The following DIAPH1 variants were observed in gnomAD, a reference collection of about 807,000 sequenced individuals.
DIAPH1 encodes the protein diaphanous related formin 1.
DIAPH1 carries 46 observed loss-of-function variants against 140.7 expected under a neutral mutation model. The ratio of observed to expected loss-of-function variants is 0.33; its 90% CI spans 0.26 to 0.42. The LOEUF is 0.42. Ranked by LOEUF, DIAPH1 falls within the 10% of genes least tolerant of loss-of-function variation. DIAPH1 has a pLI of 1.00. For missense variants in DIAPH1, 1,310 were observed against 1,558.7 expected (o/e 0.84, Z 2.69); for synonymous variants, 565 against 551.6 (o/e 1.02, Z -0.34).
chr5:141,516,897 G>A lies in DIAPH1; in HGVS notation c.3773C>T (p.Pro1258Leu), dbSNP rs374910187. The A allele has an allele frequency of 1.9e-6, 3 of 1,614,136 alleles. No homozygotes were observed. In the African/African-American group the frequency reaches 4.0e-5, roughly 22 times the overall value. The change falls in exon 28 of 28, where the codon CCC becomes CTC. Residue 1258 changes from proline to leucine, a missense_variant. By Grantham distance (98) the Pro-to-Leu change is moderately conservative. This residue lies in a region of DIAPH1 where 344 missense variants were observed against 512.2 expected (regional missense o/e 0.67). Coordinates refer to ENST00000389054, the MANE Select transcript of DIAPH1 (RefSeq NM_005219.5). ...AKVSKNSETF[P>L]TILEEAKELV... Reference sequence around the variant, plus strand: ...CTCCTTGGCTTCCTCAAGGATTGTGGGGAATGTCTCACTGTTCTTGGACAC... The same window carrying A: ...CTCCTTGGCTTCCTCAAGGATTGTGAGGAATGTCTCACTGTTCTTGGACAC...
intron 1 of DIAPH1, among the ~76,000 whole-genome samples, chr5:141,591,563 T>C (rs1189182381): frequency 6.7e-6 from 1 of 150,284 alleles, no homozygotes; most frequent in Non-Finnish European, 1.5e-5. Flanking sequence ...AGGGGATGAG[T>C]TGGATACAGA....
At chr5:141,540,285 T>C (rs1361148254) in intron 18 of DIAPH1, among the ~76,000 whole-genome samples, 1 of 150,114 alleles carries the variant, frequency 6.7e-6, no homozygotes, top group Non-Finnish European at 1.5e-5. Flanking sequence ...CATGCCTGGC[T>C]AATTTTTTTT....
rs2099888710 is a variant in DIAPH1, at chr5:141,534,374, CTT to C, written c.2540_2541del (p.Lys847ArgfsTer28). 1 of 1,613,896 alleles carries C rather than the reference CTT, an allele frequency of 6.2e-7. No individual in the cohort carries two copies. Among genetic ancestry groups the C allele is most frequent in the Non-Finnish European group, 8.5e-7 (1 of 1,179,998 alleles). ...GTCTTTGAATCCAACACCTTTAACT[CTT>C]TTACTTTTTTCTTTTGCACAGATTT... ...EKKSVQKKKVKELKVLDSKTA... is the reference protein window; with the variant it reads ...EKKSVQKKKVXELKVLDSKTA... On this transcript the variant is annotated frameshift_variant, in exon 19 of 28. Transcript: ENST00000389054. LOFTEE classifies it high-confidence loss of function.
At chr5:141,618,728 A>G in intron 1 of DIAPH1, 70 bp downstream of exon 1, 1 of 1,158,416 alleles carries the variant, frequency 8.6e-7, no homozygotes, top group South Asian at 1.4e-5. Context: ...CAGGCGCCCC[A>G]GGGGCCGGCT....
chr5:141,610,851 G>A (rs566308295), intron 1 of DIAPH1, among the ~76,000 whole-genome samples: 12 of 151,292 alleles, frequency 7.9e-5, no homozygotes, highest in African/African-American at 2.9e-4. Flanking sequence ...AAGGTAGGAG[G>A]ATCACTTGAG....
At chr5:141,609,847 C>G (rs1402701859) in intron 1 of DIAPH1, among the ~76,000 whole-genome samples, 1 of 152,108 alleles carries the variant, frequency 6.6e-6, no homozygotes, top group African/African-American at 2.4e-5. Context: ...AATGCTTCCA[C>G]GATAAATGGA....
chr5:141,522,320 G>A (rs1035975455), intron 27 of DIAPH1, among the ~76,000 whole-genome samples: 5 of 152,178 alleles, frequency 3.3e-5, no homozygotes, highest in Admixed American at 2.0e-4. Context: ...CCTCTTGCAT[G>A]GGAGAGAGTA....
chr5:141,578,162 G>C (rs1407423963), intron 11 of DIAPH1, 63 bp downstream of exon 11: 1 of 1,194,744 alleles, frequency 8.4e-7, no homozygotes, highest in Non-Finnish European at 1.3e-6. Context: ...TTCCACACAG[G>C]GATCAGGGAA....
In DIAPH1 at chr5:141,517,135, A is replaced by T. The variant is rs2099885807; in HGVS notation, c.3662-127T>A. The T allele has an allele frequency of 2.1e-5, 22 of 1,027,094 alleles. No homozygotes were observed. The South Asian group carries it at 3.0e-4, about 14-fold the overall frequency. 63.6% of individuals were successfully genotyped at this position (1,027,094 alleles called of 1,614,324 possible). A position where few individuals can be genotyped will look rare whatever the true frequency, so the allele number is the denominator to read the frequency against. On this transcript the variant is annotated intron_variant, in intron 27 of 27. Transcript: ENST00000389054. ...CCTTGGCCACTTCACAGAGGCCCTT[A>T]CTTTGAAGAAAGGGGCAGAGATCCA...
chr5:141,582,476 G>A lies in DIAPH1; in HGVS notation c.621-101C>T, dbSNP rs185324936. ...TTCTTAGGAACAACAGCCCCATCTAGCAGATGAGTAAATTTTAGGAAATAG... is the reference window on the plus strand; with the variant it reads ...TTCTTAGGAACAACAGCCCCATCTAACAGATGAGTAAATTTTAGGAAATAG... On this transcript the variant is annotated intron_variant, in intron 6 of 27. Transcript: ENST00000389054. The A allele has an allele frequency of 8.7e-5, 74 of 847,996 alleles. No individual in the cohort carries two copies. In the African/African-American group the frequency reaches 9.5e-4, roughly 11 times the overall value. 52.5% of individuals were successfully genotyped at this position (847,996 alleles called of 1,614,324 possible). A position where few individuals can be genotyped will look rare whatever the true frequency, so the allele number is the denominator to read the frequency against.
intron 18 of DIAPH1, among the ~76,000 whole-genome samples, chr5:141,550,130 G>A (rs1326728272): frequency 4.6e-5 from 7 of 151,870 alleles, no homozygotes; most frequent in Non-Finnish European, 1.0e-4. Context: ...GATAAAGAGG[G>A]ACTTTCTATA....
chr5:141,561,122 G>C lies in DIAPH1; in HGVS notation c.2482+10306C>G, dbSNP rs186817960. Among the ~76,000 whole-genome samples, 761 of 152,162 alleles carry C rather than the reference G, an allele frequency of 5.0e-3. 4 individuals carry two copies. Among genetic ancestry groups the C allele is most frequent in the Non-Finnish European group, 8.1e-3 (550 of 68,004 alleles). On this transcript the variant is annotated intron_variant, in intron 18 of 27. Coordinates refer to ENST00000389054, the MANE Select transcript of DIAPH1 (RefSeq NM_005219.5). ...AATAGGAAAAACGGGAAATTCTTGGGAAGGATTTTTGCAGTTTTTCTTGCT... is the reference window on the plus strand; with the variant it reads ...AATAGGAAAAACGGGAAATTCTTGGCAAGGATTTTTGCAGTTTTTCTTGCT...
intron 3 of DIAPH1, among the ~76,000 whole-genome samples, chr5:141,586,236 T>A (rs2099897527): frequency 1.3e-5 from 2 of 149,996 alleles, no homozygotes; most frequent in South Asian, 4.1e-4. Context: ...TTAAGACTCT[T>A]AATGCACTTG....
At position 141,618,948 on chromosome 5, in the gene DIAPH1, T is replaced by C; in HGVS notation, c.-34A>G. The stretch of plus-strand genomic sequence containing the variant: ...TCACGCTGGCCGGCGACCCCGCGCC[T>C]ACGCCGCTCCCGCCTGGCAGCTCCG... On this transcript the variant is annotated 5_prime_UTR_variant, in exon 1 of 28. Coordinates refer to ENST00000389054, the MANE Select transcript of DIAPH1 (RefSeq NM_005219.5). 7.7e-7 allele frequency: 1 copy of C among 1,302,982 alleles called. No homozygotes were observed. The highest frequency in any genetic ancestry group is 1.5e-5 in the South Asian group (1 of 66,802). The allele number at this position is 1,302,982 out of a possible 1,614,324, so 80.7% of individuals were successfully genotyped here. A position where few individuals can be genotyped will look rare whatever the true frequency, so the allele number is the denominator to read the frequency against.
intron 9 of DIAPH1, 117 bp from the exon 10 acceptor site, chr5:141,578,742 T>G: frequency 2.5e-6 from 2 of 816,200 alleles, no homozygotes; most frequent in Non-Finnish European, 4.1e-6. Flanking sequence ...ATACAAAAAC[T>G]CTAAAGATGA....
At chr5:141,518,977 C>T in intron 27 of DIAPH1, 5 of 1,550,692 alleles carry the variant, frequency 3.2e-6, no homozygotes, top group Non-Finnish European at 4.4e-6. Context: ...CCTCTACTTC[C>T]CAGGGGCACA....
intron 1 of DIAPH1, among the ~76,000 whole-genome samples, chr5:141,607,757 T>C (rs73282320): frequency 0.016 from 2,507 of 152,280 alleles, 54 homozygotes; most frequent in African/African-American, 0.056. Context: ...CCTAAGCCTT[T>C]GTTCTACTGC....
intron 1 of DIAPH1, among the ~76,000 whole-genome samples, chr5:141,605,673 A>C (rs1003069573): frequency 1.3e-5 from 2 of 152,206 alleles, no homozygotes; most frequent in Non-Finnish European, 2.9e-5. Flanking sequence ...GCAACTTAAT[A>C]CCACTAGGCC....
intron 1 of DIAPH1, among the ~76,000 whole-genome samples, chr5:141,609,847 C>T (rs1402701859): frequency 2.0e-5 from 3 of 152,108 alleles, no homozygotes; most frequent in Non-Finnish European, 2.9e-5. Flanking sequence ...AATGCTTCCA[C>T]GATAAATGGA....
Sources: allele counts gnomAD v4.1 joint callset (sites outside exome capture counted in the v4.1 genomes callset), GRCh38; gene constraint gnomAD v4.1.1; regional missense constraint gnomAD v4.1.1; transcripts MANE v1.5; gene names NCBI Gene and HGNC (gene_info 2026-07-23, HGNC 2026-07-21).